HPSE2: variants seen among roughly 807,000 people sequenced by gnomAD.
HPSE2 encodes the protein inactive heparanase-2.
HPSE2 carries 38 observed loss-of-function variants against 60.5 expected under a neutral mutation model. That is an observed-to-expected ratio of 0.63 (90% CI 0.48 to 0.82). The LOEUF is 0.82. HPSE2 is among the 40% of genes least tolerant of loss of function. The pLI, the probability that HPSE2 is intolerant of heterozygous loss-of-function variation, is 0.00. For synonymous variants in HPSE2, 295 were observed against 293.2 expected, an observed-to-expected ratio of 1.01 and a Z score of -0.06; for missense variants, 713 against 740.4, an observed-to-expected ratio of 0.96 and a Z score of 0.43.
intron 5 of HPSE2, among the ~76,000 whole-genome samples, chr10:98,698,563 A>G (rs1336760821): frequency 6.6e-6 from 1 of 152,168 alleles, no homozygotes; most frequent in African/African-American, 2.4e-5. Context: ...TGACACCCTA[A>G]CATCCCAATT....
chr10:99,134,229 C>A (rs1312379531), intron 3 of HPSE2, among the ~76,000 whole-genome samples: 1 of 152,074 alleles, frequency 6.6e-6, no homozygotes, highest in Non-Finnish European at 1.5e-5. Context: ...GTGAAAAAGA[C>A]CAAATCTACA....
chr10:98,775,529 A>G (rs1950322456), intron 3 of HPSE2, among the ~76,000 whole-genome samples: 1 of 152,210 alleles, frequency 6.6e-6, no homozygotes, highest in South Asian at 2.1e-4. Context: ...TAAAGAGCAA[A>G]TCAGTGGGAC....
intron 2 of HPSE2, among the ~76,000 whole-genome samples, chr10:99,151,030 A>T (rs936178245): frequency 7.2e-5 from 11 of 152,198 alleles, no homozygotes; most frequent in Admixed American, 1.3e-4. Flanking sequence ...AAAAATTTTT[A>T]AAACTATAAA....
At chr10:98,889,133 AT>A (rs1330897374) in intron 3 of HPSE2, among the ~76,000 whole-genome samples, 1 of 152,174 alleles carries the variant, frequency 6.6e-6, no homozygotes, top group Non-Finnish European at 1.5e-5. Context: ...CCCATTCCCA[AT>A]AAAAAATGAA....
chr10:98,566,168 T>G (rs1944338288), intron 9 of HPSE2, among the ~76,000 whole-genome samples: 1 of 152,198 alleles, frequency 6.6e-6, no homozygotes, highest in Non-Finnish European at 1.5e-5. Flanking sequence ...GTGAGGCGGT[T>G]AGTGAAGGTT....
chr10:98,696,636 A>G (rs1277118993), intron 5 of HPSE2, among the ~76,000 whole-genome samples: 2 of 152,154 alleles, frequency 1.3e-5, no homozygotes, highest in African/African-American at 4.8e-5. Context: ...AACAGCCACT[A>G]AGCTAGAGTC....
chr10:98,482,607 T>C (rs775866296), intron 11 of HPSE2, 29 bp downstream of exon 11: 120 of 1,613,686 alleles, frequency 7.4e-5, no homozygotes, highest in Non-Finnish European at 1.0e-4. Flanking sequence ...CTGCACTTGC[T>C]CCCGAGCTAT....
At chr10:98,965,022 T>G (rs978057766) in intron 3 of HPSE2, among the ~76,000 whole-genome samples, 2 of 152,158 alleles carry the variant, frequency 1.3e-5, no homozygotes, top group Non-Finnish European at 2.9e-5. Flanking sequence ...ATAGAGCCAC[T>G]TATTATTATC....
intron 4 of HPSE2, among the ~76,000 whole-genome samples, chr10:98,724,678 A>G (rs1184084685): frequency 2.0e-5 from 3 of 152,170 alleles, no homozygotes; most frequent in African/African-American, 7.2e-5. Context: ...TATTTAGGAT[A>G]GTTAGCTCTT....
At chr10:98,919,761 TA>T (rs1344833779) in intron 3 of HPSE2, among the ~76,000 whole-genome samples, 2 of 151,756 alleles carry the variant, frequency 1.3e-5, no homozygotes, top group Non-Finnish European at 2.9e-5. Flanking sequence ...CCAGAAAAAA[TA>T]AAAATAAAAG....
At position 99,235,648 on chromosome 10, in the gene HPSE2, G is replaced by T. The variant is rs1257235962; in HGVS notation, c.155C>A (p.Ala52Asp). ...GDRRPLPVDR[A>D]AGLKEKTLIL... ...CAGGGTCTTTTCCTTCAAACCTGCA[G>T]CTCTGTCTACAGGCAAGGGTCTCCT... The change falls in exon 1 of 12, where the codon GCT becomes GAT. Residue 52 changes from alanine (A) to aspartate (D), a missense_variant. Ala to Asp is a moderately radical substitution (Grantham distance 126). Transcript: ENST00000370552. 6.2e-7 allele frequency: 1 copy of T among 1,613,858 alleles called. No individual in the cohort carries two copies. Among genetic ancestry groups the T allele is most frequent in the Non-Finnish European group, 8.5e-7 (1 of 1,180,026 alleles).
chr10:99,257,946 C>G, the HPSE2 span, among the ~76,000 whole-genome samples: 1 of 151,962 alleles, frequency 6.6e-6, no homozygotes, highest in Non-Finnish European at 1.5e-5. Flanking sequence ...ACGTGACTAT[C>G]GGGGACAGGT....
rs571962721 is a variant in HPSE2 at position 99,021,964 on chromosome 10, C to T, written c.610+122274G>A. Among the ~76,000 whole-genome samples, 10 of 151,822 alleles carry T rather than the reference C, an allele frequency of 6.6e-5. No individual in the cohort carries two copies. The East Asian group carries it at 1.9e-3, about 29-fold the overall frequency. ...CATGCAGGTTTGTTACATATGTATA[C>T]ATGTGCCATGTTGGTGTGCTGCACC... is the stretch of plus-strand genomic sequence containing the variant. On this transcript the variant is annotated intron_variant, in intron 3 of 11. Transcript: ENST00000370552.
chr10:98,836,297 T>A (rs1267191727), intron 3 of HPSE2, among the ~76,000 whole-genome samples: 3 of 152,188 alleles, frequency 2.0e-5, no homozygotes, highest in Non-Finnish European at 4.4e-5. Context: ...TAAAACCACC[T>A]TTGAAAATAA....
At chr10:99,238,716 A>G (rs1476242687), upstream of HPSE2, among the ~76,000 whole-genome samples, 1 of 152,216 alleles carries the variant, frequency 6.6e-6, no homozygotes, top group Admixed American at 6.5e-5. Context: ...CCTCTTATCT[A>G]TTAATATGCT....
At chr10:99,029,835 G>A (rs1417090702) in intron 3 of HPSE2, among the ~76,000 whole-genome samples, 1 of 152,154 alleles carries the variant, frequency 6.6e-6, no homozygotes, top group Non-Finnish European at 1.5e-5. Context: ...CACAAGAGGT[G>A]GAGGAGCAGA....
intron 4 of HPSE2, among the ~76,000 whole-genome samples, chr10:98,725,495 G>A (rs942529545): frequency 2.6e-5 from 4 of 151,982 alleles, no homozygotes; most frequent in African/African-American, 9.7e-5. Context: ...AATTCAAGAT[G>A]GATTAAAGAC....
intron 3 of HPSE2, among the ~76,000 whole-genome samples, chr10:99,054,657 C>G (rs942198472): frequency 6.6e-6 from 1 of 152,176 alleles, no homozygotes; most frequent in Non-Finnish European, 1.5e-5. Context: ...AGAATCAATA[C>G]TATTCAGAGG....
chr10:98,706,382 T>C (rs902528727), intron 5 of HPSE2, among the ~76,000 whole-genome samples: 1 of 152,180 alleles, frequency 6.6e-6, no homozygotes, highest in Non-Finnish European at 1.5e-5. Context: ...CAATGCTTAT[T>C]GTAAGACAAT....
Sources: allele counts gnomAD v4.1 joint callset (sites outside exome capture counted in the v4.1 genomes callset), GRCh38; gene constraint gnomAD v4.1.1; transcripts MANE v1.5; gene names NCBI Gene and HGNC (gene_info 2026-07-23, HGNC 2026-07-21).